INTU: variants seen among roughly 807,000 people sequenced by gnomAD.
INTU encodes the protein protein inturned.
INTU carries 68 observed loss-of-function variants against 100.5 expected under a neutral mutation model. The observed-to-expected ratio is 0.68, with a 90% CI of 0.56 to 0.83. The LOEUF (loss-of-function observed/expected upper bound fraction) is 0.83. Ranked by LOEUF, INTU falls within the 40% of genes least tolerant of loss-of-function variation. The pLI, the probability that INTU is intolerant of heterozygous loss-of-function variation, is 0.00. For synonymous variants in INTU, 357 were observed against 395.7 expected (o/e 0.90, Z 1.16); for missense variants, 1,071 against 1,114.7 (o/e 0.96, Z 0.56).
chr4:127,684,598 T>C (rs747820327), intron 7 of INTU, 112 bp downstream of exon 7: 3 of 578,450 alleles, frequency 5.2e-6, no homozygotes, highest in Non-Finnish European at 8.9e-6. Flanking sequence ...TCTTTTCTCC[T>C]CCCTCCCCTC....
chr4:127,685,643 A>C, intron 7 of INTU: 1 of 292,626 alleles, frequency 3.4e-6, no homozygotes, highest in South Asian at 3.1e-5. Flanking sequence ...TTAACCAATG[A>C]AGAGTAAGAA....
rs1413045504 is a variant in INTU at position 127,717,551 on chromosome 4, G to A, written c.*1115G>A. Reference sequence around the variant, plus strand: ...ATGGCATTTCTGGTTCTAGATCTTTGAAGAATCACCACACTGTCTTCCACA... The same window carrying A: ...ATGGCATTTCTGGTTCTAGATCTTTAAAGAATCACCACACTGTCTTCCACA... On this transcript the variant is annotated 3_prime_UTR_variant, in exon 16 of 16. Transcript: ENST00000335251. 1 of 152,164 alleles carries A rather than the reference G, an allele frequency of 6.6e-6. No homozygotes were observed. The highest frequency in any genetic ancestry group is 2.4e-5 in the African/African-American group (1 of 41,440). The allele number at this position is 152,164 out of a possible 1,614,324, so 9.4% of individuals were successfully genotyped here.
intron 10 of INTU, among the ~76,000 whole-genome samples, chr4:127,704,807 G>C (rs547950294): frequency 6.7e-6 from 1 of 149,402 alleles, no homozygotes; most frequent in Non-Finnish European, 1.5e-5. Flanking sequence ...TGAAAAGTCA[G>C]CTGGGCATGG....
intron 1 of INTU, 113 bp from the exon 2 acceptor site, chr4:127,643,408 C>T (rs1727419625): frequency 7.3e-6 from 5 of 689,020 alleles, no homozygotes; most frequent in Non-Finnish European, 1.2e-5. Flanking sequence ...AGAAGTTTCA[C>T]CCTTTCCCAT....
intron 12 of INTU, among the ~76,000 whole-genome samples, chr4:127,707,643 C>CTGTGTG (rs559591609): frequency 4.5e-4 from 67 of 149,326 alleles, no homozygotes; most frequent in African/African-American, 1.3e-3. Context: ...ATTTGTGTGT[C>CTGTGTG]TGTGTGTGTG....
intron 8 of INTU, among the ~76,000 whole-genome samples, chr4:127,698,323 G>T (rs770790907): frequency 1.3e-5 from 2 of 151,920 alleles, no homozygotes; most frequent in Non-Finnish European, 2.9e-5. Flanking sequence ...TTAGGCAGGC[G>T]TGGTGGCGGG....
At chr4:127,692,433 G>A (rs958418904) in intron 8 of INTU, among the ~76,000 whole-genome samples, 1 of 152,040 alleles carries the variant, frequency 6.6e-6, no homozygotes, top group Non-Finnish European at 1.5e-5. Context: ...TTTTTGATGG[G>A]ATTGTTTGTT....
intron 8 of INTU, among the ~76,000 whole-genome samples, chr4:127,692,723 AGATTT>A (rs1375798011): frequency 6.6e-6 from 1 of 152,166 alleles, no homozygotes; most frequent in Non-Finnish European, 1.5e-5. Flanking sequence ...TTCACATCTT[AGATTT>A]AAGTCTTTGA....
In INTU at chr4:127,716,339, A is replaced by T; in HGVS notation, c.2732A>T (p.His911Leu). ...TTCTTCTGCAGGAGACTTTTTCTTCATCCAAAACCTCAAGAACTTTATGTC... is the reference window on the plus strand; with the variant it reads ...TTCTTCTGCAGGAGACTTTTTCTTCTTCCAAAACCTCAAGAACTTTATGTC... ...AYWVVGRLFL[H>L]PKPQELYVCF... The change falls in exon 16 of 16, where the codon CAT becomes CTT. Residue 911 changes from histidine to leucine, a missense_variant. His to Leu is a moderately conservative substitution (Grantham distance 99). Coordinates refer to ENST00000335251, the MANE Select transcript of INTU (RefSeq NM_015693.4). 1.3e-6 allele frequency: 2 copies of T among 1,559,698 alleles called. No individual in the cohort carries two copies. The highest frequency in any genetic ancestry group is 1.7e-6 in the Non-Finnish European group (2 of 1,151,526).
At chr4:127,674,807 A>G (rs1364517479) in intron 6 of INTU, among the ~76,000 whole-genome samples, 2 of 152,206 alleles carry the variant, frequency 1.3e-5, no homozygotes, top group African/African-American at 2.4e-5. Context: ...CTTTATATTT[A>G]TTAAACTCAT....
intron 1 of INTU, among the ~76,000 whole-genome samples, chr4:127,640,542 C>CATATATATATAT (rs869116277): frequency 3.9e-4 from 21 of 53,628 alleles, no homozygotes; most frequent in East Asian, 7.1e-4. Context: ...GGTAAAGATA[C>CATATATATATAT]ATATATATAT....
chr4:127,681,852 C>T (rs1448160401), intron 6 of INTU, among the ~76,000 whole-genome samples: 2 of 152,102 alleles, frequency 1.3e-5, no homozygotes, highest in South Asian at 4.1e-4. Flanking sequence ...GCAACCTACT[C>T]ATCTGACAAA....
intron 8 of INTU, among the ~76,000 whole-genome samples, chr4:127,693,355 C>G (rs1730237722): frequency 6.6e-6 from 1 of 151,976 alleles, no homozygotes; most frequent in Non-Finnish European, 1.5e-5. Flanking sequence ...GGGTTGAGTT[C>G]TTGATTTGAT....
chr4:127,711,068 T>C lies in INTU; in HGVS notation c.2525T>C (p.Ile842Thr). The C allele has an allele frequency of 1.2e-6, 2 of 1,600,796 alleles. No homozygotes were observed. The highest frequency in any genetic ancestry group is 8.5e-7 in the Non-Finnish European group (1 of 1,170,356). Residue 842 changes from isoleucine (I) to threonine (T), a missense_variant, in exon 14 of 16, where the codon ATT (isoleucine) becomes ACT (threonine). Transcript: ENST00000335251. ...IKNFHQCCLS[I>T]RAVFQQTLVE... ...AATTTCCATCAGTGTTGTCTTTCCA[T>C]TCGTGCAGTTTTCCAACAGACATTG...
chr4:127,714,153 A>G, intron 15 of INTU, 60 bp downstream of exon 15: 1 of 1,364,700 alleles, frequency 7.3e-7, no homozygotes, highest in Non-Finnish European at 1.0e-6. Flanking sequence ...GAAAAGTGGT[A>G]AAGGAGATTA....
chr4:127,664,079 A>G (rs1210736974), intron 4 of INTU, among the ~76,000 whole-genome samples: 1 of 152,086 alleles, frequency 6.6e-6, no homozygotes, highest in African/African-American at 2.4e-5. Flanking sequence ...TGCTATTAAT[A>G]GCTTTTAATG....
At chr4:127,683,547 C>T (rs996753772) in intron 6 of INTU, among the ~76,000 whole-genome samples, 1 of 152,162 alleles carries the variant, frequency 6.6e-6, no homozygotes, top group African/African-American at 2.4e-5. Context: ...CATCTCAGTG[C>T]CATAGACTGC....
At chr4:127,689,464 A>G (rs1384836437) in intron 8 of INTU, among the ~76,000 whole-genome samples, 1 of 152,058 alleles carries the variant, frequency 6.6e-6, no homozygotes, top group East Asian at 1.9e-4. Flanking sequence ...AGCCTGGACA[A>G]CATATGGAGA....
chr4:127,636,408 C>T (rs1345703885), intron 1 of INTU, among the ~76,000 whole-genome samples: 3 of 151,904 alleles, frequency 2.0e-5, no homozygotes, highest in African/African-American at 4.8e-5. Flanking sequence ...GTCACGAGTT[C>T]GAGACCAGCC....
Sources: allele counts gnomAD v4.1 joint callset (sites outside exome capture counted in the v4.1 genomes callset), GRCh38; gene constraint gnomAD v4.1.1; transcripts MANE v1.5; gene names NCBI Gene and HGNC (gene_info 2026-07-23, HGNC 2026-07-21).